Variants in ITPR1 observed in about 807,000 individuals in gnomAD.
ITPR1 encodes the protein inositol 1,4,5-trisphosphate receptor type 1.
A neutral mutation model predicts 318.4 loss-of-function variants in ITPR1; 96 were observed. That is an observed-to-expected ratio of 0.30 (90% confidence interval 0.26 to 0.36). The LOEUF (loss-of-function observed/expected upper bound fraction) is 0.36, where lower values mean the gene tolerates loss of function less well. ITPR1 is among the 10% of genes least tolerant of loss of function. ITPR1 has a pLI of 1.00. For synonymous variants in ITPR1, 1,312 were observed against 1,289.9 expected (o/e 1.02, Z -0.37); for missense variants, 2,440 against 3,460.2 (o/e 0.71, Z 7.40).
intron 4 of ITPR1, among the ~76,000 whole-genome samples, chr3:4,545,996 G>A (rs770068168): frequency 1.3e-5 from 2 of 152,036 alleles, no homozygotes; most frequent in Non-Finnish European, 1.5e-5. Context: ...GATCTTGAGC[G>A]AAATATTTAA....
At position 4,779,669 on chromosome 3, in the gene ITPR1, G is replaced by A; in HGVS notation, c.6387+24G>A. The A allele has an allele frequency of 6.6e-7, 1 of 1,509,032 alleles. No individual in the cohort carries two copies. Among genetic ancestry groups the A allele is most frequent in the Non-Finnish European group, 9.2e-7 (1 of 1,085,572 alleles). 93.5% of individuals were successfully genotyped at this position (1,509,032 alleles called of 1,614,324 possible). ...TGGTGAGTCGGGTGACGGATCTGAT[G>A]GTAGCACCAAGGAGCATTGCGACGA... is the stretch of plus-strand genomic sequence containing the variant. On this transcript the variant is annotated intron_variant, in intron 49 of 61. Coordinates refer to ENST00000649015, the MANE Select transcript of ITPR1 (RefSeq NM_001378452.1). This position sits in a 1 kb window ranked among gnomAD's most constrained non-coding sequence, Gnocchi z 4.0.
At chr3:4,823,314 T>C (rs958970907) in intron 60 of ITPR1, among the ~76,000 whole-genome samples, 14 of 152,276 alleles carry the variant, frequency 9.2e-5, no homozygotes, top group African/African-American at 3.1e-4. Flanking sequence ...TCTTGAAAAT[T>C]AGAAATTTGA....
chr3:4,652,759 C>G (rs1483388313), intron 11 of ITPR1, among the ~76,000 whole-genome samples: 1 of 152,130 alleles, frequency 6.6e-6, no homozygotes, highest in Admixed American at 6.5e-5. Flanking sequence ...GTGGCTCACA[C>G]CTATAATCCC....
chr3:4,763,599 CTTA>C (rs2045605772), intron 44 of ITPR1, among the ~76,000 whole-genome samples: 1 of 152,292 alleles, frequency 6.6e-6, no homozygotes, highest in Middle Eastern at 3.4e-3. Flanking sequence ...TCTTCTAGAC[CTTA>C]TTATCCATTT....
At chr3:4,546,165 A>AT (rs869239835) in intron 4 of ITPR1, among the ~76,000 whole-genome samples, 2 of 152,136 alleles carry the variant, frequency 1.3e-5, no homozygotes, top group African/African-American at 4.8e-5. Context: ...AATGATGTAA[A>AT]TTTTTCCCCC....
chr3:4,514,655 G>C lies in ITPR1; in HGVS notation c.-16-1821G>C, dbSNP rs73003289. 7.0e-3 allele frequency among the ~76,000 whole-genome samples: 1,061 copies of C among 152,260 alleles called. 6 individuals are homozygous for C. Among genetic ancestry groups the C allele is most frequent in the Middle Eastern group, 0.031 (9 of 294 alleles). On this transcript the variant is annotated intron_variant, in intron 2 of 61. Coordinates refer to ENST00000649015, the MANE Select transcript of ITPR1 (RefSeq NM_001378452.1). ...AGCACATACCTGCTCTTCTGCATTT[G>C]GAAATTCCCTGGTGTCCTTTCGGGA...
Position 4,779,458 on chromosome 3 carries a change from G to A in ITPR1, c.6292-92G>A. ...GGTGAAATGTTCGTCTGTTTAGCCG[G>A]GATGCCTCCCATGTGCCAGTTGGCA... On this transcript the variant is annotated intron_variant, in intron 48 of 61. Coordinates refer to ENST00000649015, the MANE Select transcript of ITPR1 (RefSeq NM_001378452.1). This position sits in a 1 kb window ranked among gnomAD's most constrained non-coding sequence, Gnocchi z 4.0. 1 of 869,868 alleles carries A rather than the reference G, an allele frequency of 1.1e-6. No individual in the cohort carries two copies. Among genetic ancestry groups the A allele is most frequent in the Non-Finnish European group, 2.0e-6 (1 of 510,644 alleles). The allele number at this position is 869,868 out of a possible 1,614,324, so 53.9% of individuals were successfully genotyped here. A position where few individuals can be genotyped will look rare whatever the true frequency, so the allele number is the denominator to read the frequency against.
intron 4 of ITPR1, among the ~76,000 whole-genome samples, chr3:4,568,151 C>A (rs1361545690): frequency 6.6e-6 from 1 of 152,062 alleles, no homozygotes; most frequent in African/African-American, 2.4e-5. Context: ...AGGCCAGGGT[C>A]ATTACATAGA....
At chr3:4,617,620 T>C (rs538230935) in intron 4 of ITPR1, among the ~76,000 whole-genome samples, 1 of 152,304 alleles carries the variant, frequency 6.6e-6, no homozygotes, top group African/African-American at 2.4e-5. Flanking sequence ...GATCCAGATT[T>C]TGTTGTTTCT....
At chr3:4,840,675 A>G (rs903313883) in intron 61 of ITPR1, among the ~76,000 whole-genome samples, 7 of 152,210 alleles carry the variant, frequency 4.6e-5, no homozygotes, top group African/African-American at 1.7e-4. Context: ...ATTATTGCCA[A>G]GAATGGTTGG....
chr3:4,816,887 A>G (rs1460047923), intron 59 of ITPR1, among the ~76,000 whole-genome samples: 1 of 152,048 alleles, frequency 6.6e-6, no homozygotes, highest in Admixed American at 6.5e-5. Context: ...TTTTTATGTT[A>G]TTATTATTTC....
At chr3:4,544,806 AT>A (rs2084805991) in intron 4 of ITPR1, among the ~76,000 whole-genome samples, 1 of 151,966 alleles carries the variant, frequency 6.6e-6, no homozygotes, top group East Asian at 1.9e-4. Flanking sequence ...ACAACTTTTT[AT>A]TTTTTAGACA....
chr3:4,809,959 A>G (rs1456372394), intron 55 of ITPR1, among the ~76,000 whole-genome samples: 3 of 152,148 alleles, frequency 2.0e-5, no homozygotes, highest in African/African-American at 7.2e-5. Context: ...ACTCTACCCA[A>G]TGCCCTTCAC....
Position 4,722,414 on chromosome 3 carries a change from C to T in ITPR1, c.5137-3132C>T, listed in dbSNP as rs148746986. Among the ~76,000 whole-genome samples the T allele has an allele frequency of 3.8e-3, 573 of 152,254 alleles. 4 individuals carry two copies. The highest frequency in any genetic ancestry group is 0.013 in the African/African-American group (535 of 41,552). ...CAGAACATGGGAATTTCAGAGAGCC[C>T]GTGCCCTCAAAATGTTCCCCCTAAA... On this transcript the variant is annotated intron_variant, in intron 40 of 61. Coordinates refer to ENST00000649015, the MANE Select transcript of ITPR1 (RefSeq NM_001378452.1).
chr3:4,781,077 G>A (rs1200946107), intron 49 of ITPR1, among the ~76,000 whole-genome samples: 6 of 152,206 alleles, frequency 3.9e-5, no homozygotes, highest in African/African-American at 1.2e-4. Context: ...GCCTCAAATC[G>A]CATGTAACAT....
chr3:4,650,072 T>C (rs1273791789), intron 10 of ITPR1, among the ~76,000 whole-genome samples: 1 of 152,252 alleles, frequency 6.6e-6, no homozygotes, highest in African/African-American at 2.4e-5. Flanking sequence ...TTTCTTTTTA[T>C]TGCCAAGTAA....
At chr3:4,775,220 C>T (rs2046415304) in intron 46 of ITPR1, 22 bp from the exon 47 acceptor site, 1 of 1,588,418 alleles carries the variant, frequency 6.3e-7, no homozygotes, top group Non-Finnish European at 8.6e-7. Flanking sequence ...GCTCACCGAA[C>T]CTGGGGACTA....
chr3:4,582,546 T>C (rs1395419471), intron 4 of ITPR1, among the ~76,000 whole-genome samples: 35 of 152,180 alleles, frequency 2.3e-4, no homozygotes, highest in Admixed American at 2.3e-3. Flanking sequence ...TGTTATCAGC[T>C]CCACACTTCA....
In ITPR1 at chr3:4,733,237, A is replaced by C; in HGVS notation, c.5353+17A>C. 6.2e-7 allele frequency: 1 copy of C among 1,612,896 alleles called. No homozygotes were observed. The highest frequency in any genetic ancestry group is 8.5e-7 in the Non-Finnish European group (1 of 1,179,076). On this transcript the variant is annotated intron_variant, in intron 43 of 61. Coordinates refer to ENST00000649015, the MANE Select transcript of ITPR1 (RefSeq NM_001378452.1). ...GGGGAGGAGGTACGCTTTGTGGTGT[A>C]ATTACCTTCGTGTGTGAATCAAGTG...
Sources: allele counts gnomAD v4.1 joint callset (sites outside exome capture counted in the v4.1 genomes callset), GRCh38; gene constraint gnomAD v4.1.1; non-coding constraint Gnocchi (gnomAD v3.1); transcripts MANE v1.5; gene names NCBI Gene and HGNC (gene_info 2026-07-23, HGNC 2026-07-21).